STK32B: variants seen among roughly 807,000 people sequenced by gnomAD.
STK32B encodes the protein serine/threonine-protein kinase 32B.
Under a neutral mutation model 52.6 loss-of-function variants are expected in STK32B, and 43 were observed. The ratio of observed to expected loss-of-function variants is 0.82; its 90% CI spans 0.64 to 1.05. The LOEUF (loss-of-function observed/expected upper bound fraction) is 1.05, where lower values mean the gene tolerates loss of function less well. Among genes scored for constraint, STK32B ranks in the 50% least tolerant of loss-of-function variants. STK32B has a pLI of 0.00. For missense variants in STK32B, 621 were observed against 534.6 expected (o/e 1.16, Z -1.59); for synonymous variants, 238 against 204.3 (o/e 1.17, Z -1.41).
intron 3 of STK32B, among the ~76,000 whole-genome samples, chr4:5,279,296 G>C (rs980322332): frequency 2.0e-5 from 3 of 152,164 alleles, no homozygotes; most frequent in Non-Finnish European, 4.4e-5. Flanking sequence ...GGTAGAAATT[G>C]GCTAAAACAA....
chr4:5,382,576 C>T (rs2109025070), intron 4 of STK32B, among the ~76,000 whole-genome samples: 1 of 152,178 alleles, frequency 6.6e-6, no homozygotes, highest in Admixed American at 6.5e-5. Context: ...GCTCTGTGGT[C>T]TTCCTAAAGA....
At chr4:5,341,250 C>T (rs181874784) in intron 4 of STK32B, among the ~76,000 whole-genome samples, 2 of 152,314 alleles carry the variant, frequency 1.3e-5, no homozygotes, top group East Asian at 3.9e-4. Context: ...AACCCAAGGT[C>T]ACACAGCTAG....
chr4:5,191,469 T>C (rs1721195397), intron 3 of STK32B, among the ~76,000 whole-genome samples: 2 of 152,140 alleles, frequency 1.3e-5, no homozygotes, highest in African/African-American at 4.8e-5. Context: ...CTAGCCAGGA[T>C]GGTCTCAATC....
chr4:5,493,105 G>A (rs1176441548), intron 11 of STK32B, among the ~76,000 whole-genome samples: 1 of 151,458 alleles, frequency 6.6e-6, no homozygotes, highest in Non-Finnish European at 1.5e-5. Context: ...AAATGAGTTA[G>A]GGAGGATTCC....
At chr4:5,171,809 A>T (rs180839777) in intron 3 of STK32B, among the ~76,000 whole-genome samples, 1 of 147,380 alleles carries the variant, frequency 6.8e-6, no homozygotes, top group African/African-American at 2.4e-5. Flanking sequence ...TTGGTTCCAT[A>T]TGAACTTTAA....
chr4:5,248,181 A>G (rs778994971), intron 3 of STK32B, among the ~76,000 whole-genome samples: 4 of 152,228 alleles, frequency 2.6e-5, no homozygotes, highest in Non-Finnish European at 5.9e-5. Context: ...TTGGAGTGAC[A>G]TGAAGTACCT....
intron 9 of STK32B, among the ~76,000 whole-genome samples, chr4:5,464,786 T>C (rs1717307902): frequency 6.6e-6 from 1 of 152,114 alleles, no homozygotes; most frequent in Admixed American, 6.6e-5. Context: ...ATTCAGATGG[T>C]CTAGATCCAG....
intron 4 of STK32B, among the ~76,000 whole-genome samples, chr4:5,331,648 G>A (rs1315905711): frequency 6.6e-6 from 1 of 152,096 alleles, no homozygotes; most frequent in Non-Finnish European, 1.5e-5. Context: ...CTCTGCTCCA[G>A]TATGCCTAGG....
intron 2 of STK32B, among the ~76,000 whole-genome samples, chr4:5,166,027 G>C (rs1718844299): frequency 6.6e-6 from 1 of 152,160 alleles, no homozygotes; most frequent in African/African-American, 2.4e-5. Context: ...GGCCAAGAGA[G>C]GCACAAAGAA....
chr4:5,443,355 T>C (rs1714985010), intron 6 of STK32B, among the ~76,000 whole-genome samples: 1 of 152,026 alleles, frequency 6.6e-6, no homozygotes, highest in African/African-American at 2.4e-5. Flanking sequence ...TTCATTCATT[T>C]CATCTTCCAT....
intron 3 of STK32B, among the ~76,000 whole-genome samples, chr4:5,246,436 G>A (rs539404598): frequency 6.6e-6 from 1 of 152,234 alleles, no homozygotes; most frequent in East Asian, 1.9e-4. Flanking sequence ...GCTACTTTAA[G>A]GACTTCTCTG....
At chr4:5,073,007 T>C (rs773784951) in intron 1 of STK32B, among the ~76,000 whole-genome samples, 1 of 152,150 alleles carries the variant, frequency 6.6e-6, no homozygotes, top group Non-Finnish European at 1.5e-5. Context: ...ACATGGCTGC[T>C]GTTAATATGA....
chr4:5,345,482 A>G (rs996087940), intron 4 of STK32B: 3 of 152,206 alleles, frequency 2.0e-5, no homozygotes, highest in African/African-American at 7.2e-5. Context: ...GTTTTTGGAA[A>G]TTAGAAAACA....
At chr4:5,134,308 T>C (rs1715943973) in intron 1 of STK32B, among the ~76,000 whole-genome samples, 1 of 152,174 alleles carries the variant, frequency 6.6e-6, no homozygotes, top group Admixed American at 6.5e-5. Flanking sequence ...GGCCATGAAA[T>C]CTCTGCCCTT....
At chr4:5,125,057 G>A (rs1715279720) in intron 1 of STK32B, among the ~76,000 whole-genome samples, 1 of 152,170 alleles carries the variant, frequency 6.6e-6, no homozygotes, top group South Asian at 2.1e-4. Flanking sequence ...CAAGCCTCTA[G>A]GTGCTGAGAA....
chr4:5,339,423 T>A (rs188974156), intron 4 of STK32B, among the ~76,000 whole-genome samples: 6 of 152,356 alleles, frequency 3.9e-5, no homozygotes, highest in African/African-American at 1.4e-4. Flanking sequence ...TCCTTTCTTA[T>A]GGTTCATAAA....
chr4:5,331,160 G>C (rs538566720), intron 3 of STK32B, 60 bp from the exon 4 acceptor site: 2 of 1,506,008 alleles, frequency 1.3e-6, no homozygotes, highest in Non-Finnish European at 1.8e-6. Flanking sequence ...GGAGGCATTG[G>C]TCTTGAGGGT....
intron 3 of STK32B, among the ~76,000 whole-genome samples, chr4:5,316,821 AT>A (rs375384319): frequency 1.7e-3 from 4 of 2,404 alleles, no homozygotes; most frequent in Admixed American, 9.4e-3. Flanking sequence ...TATATATTAT[AT>A]CATATATATT....
At chr4:5,161,550 T>C (rs1271951095) in intron 2 of STK32B, among the ~76,000 whole-genome samples, 5 of 152,196 alleles carry the variant, frequency 3.3e-5, no homozygotes, top group Non-Finnish European at 4.4e-5. Context: ...TCTGTAGTTA[T>C]TCTCTTTTGT....
Sources: allele counts gnomAD v4.1 joint callset (sites outside exome capture counted in the v4.1 genomes callset), GRCh38; gene constraint gnomAD v4.1.1; transcripts MANE v1.5; gene names NCBI Gene and HGNC (gene_info 2026-07-23, HGNC 2026-07-21).